The following SLC7A13 variants were observed in gnomAD, a reference collection of about 807,000 sequenced individuals.
SLC7A13 encodes the protein solute carrier family 7 member 13.
A neutral mutation model predicts 32.0 loss-of-function variants in SLC7A13; 31 were observed. The observed-to-expected ratio is 0.97, with a 90% CI of 0.73 to 1.31. The LOEUF is 1.31. SLC7A13 is among the 50% of genes most tolerant of loss of function. The pLI is 0.00. For synonymous variants in SLC7A13, 232 were observed against 206.9 expected (o/e 1.12, Z -1.04); for missense variants, 633 against 546.9 (o/e 1.16, Z -1.57).
chr8:86,214,528 A>T lies in SLC7A13; in HGVS notation c.1298T>A (p.Leu433Ter), dbSNP rs778315531. Residue 433 changes from leucine (L) to a stop codon, truncating the protein, a stop_gained, in exon 4 of 4, where the codon TTA becomes TAA. Coordinates refer to ENST00000297524, the MANE Select transcript of SLC7A13 (RefSeq NM_138817.3). LOFTEE classifies it low-confidence loss of function (END_TRUNC). The stretch of plus-strand genomic sequence containing the variant: ...ATGTATTAAAGGTATGTAAAATAGT[A>T]ATCCGCTGAGAACTAACAGAAGCAC... ...VYVLLLVLSG[L>*]LFYIPLIHFK... 1 of 1,613,112 alleles carries T rather than the reference A, an allele frequency of 6.2e-7. No individual in the cohort carries two copies. The highest frequency in any genetic ancestry group is 8.5e-7 in the Non-Finnish European group (1 of 1,179,494).
intron 2 of SLC7A13, among the ~76,000 whole-genome samples, chr8:86,220,563 T>C (rs1362816195): frequency 2.6e-5 from 4 of 152,116 alleles, no homozygotes; most frequent in African/African-American, 4.8e-5. Context: ...CCTGGTGTAA[T>C]TCTTTCAATG....
intron 2 of SLC7A13, among the ~76,000 whole-genome samples, chr8:86,220,853 G>T (rs1189331473): frequency 6.6e-6 from 1 of 151,918 alleles, no homozygotes; most frequent in African/African-American, 2.4e-5. Context: ...AATTAGCCAG[G>T]TGTGGTGACC....
rs768845475 is a variant in SLC7A13, at chr8:86,214,407, C to T, written c.*6G>A. On this transcript the variant is annotated 3_prime_UTR_variant, in exon 4 of 4. Coordinates refer to ENST00000297524, the MANE Select transcript of SLC7A13 (RefSeq NM_138817.3). Reference sequence around the variant, plus strand: ...CCAATTTTTTAAGAGTTTGCACTTCCGACATCTATTCCTCAGACACATCAG... The same window carrying T: ...CCAATTTTTTAAGAGTTTGCACTTCTGACATCTATTCCTCAGACACATCAG... The T allele has an allele frequency of 3.8e-5, 44 of 1,147,556 alleles. 1 individual carries two copies. In the East Asian group the frequency reaches 9.2e-4, roughly 24 times the overall value. 71.1% of individuals were successfully genotyped at this position (1,147,556 alleles called of 1,614,324 possible).
chr8:86,221,894 C>A (rs56693657), intron 2 of SLC7A13, among the ~76,000 whole-genome samples: 1 of 152,228 alleles, frequency 6.6e-6, no homozygotes, highest in East Asian at 1.9e-4. Flanking sequence ...GCTAGCTGAC[C>A]AGCAGCCCCA....
chr8:86,229,456 C>T (rs1214296319), intron 1 of SLC7A13, 137 bp downstream of exon 1: 1 of 826,586 alleles, frequency 1.2e-6, no homozygotes, highest in Admixed American at 2.7e-5. Context: ...GCCAGGCTGG[C>T]ATGATCTGAT....
chr8:86,217,729 A>G lies in SLC7A13; in HGVS notation c.920T>C (p.Ile307Thr). The G allele has an allele frequency of 2.5e-6, 4 of 1,613,470 alleles. No individual in the cohort carries two copies. Among genetic ancestry groups the G allele is most frequent in the Non-Finnish European group, 3.4e-6 (4 of 1,179,620 alleles). ...TSLFSNLLIS[I>T]FKSSRPIYLA... ...ATATATTGGTCTCGATGATTTAAATATAGAAATCAGAAGGTTGCTAAATAA... is the reference window on the plus strand; with the variant it reads ...ATATATTGGTCTCGATGATTTAAATGTAGAAATCAGAAGGTTGCTAAATAA... Residue 307 changes from isoleucine to threonine, a missense_variant, in exon 3 of 4, where the codon ATA becomes ACA. Ile to Thr is a moderately conservative substitution (Grantham distance 89). Transcript: ENST00000297524.
chr8:86,219,107 C>G (rs149608520), intron 2 of SLC7A13, among the ~76,000 whole-genome samples: 1 of 152,140 alleles, frequency 6.6e-6, no homozygotes, highest in Non-Finnish European at 1.5e-5. Context: ...TATTCTACAA[C>G]TTTGGATCTT....
intron 2 of SLC7A13, 98 bp downstream of exon 2, chr8:86,222,874 G>A: frequency 8.4e-7 from 1 of 1,197,512 alleles, no homozygotes; most frequent in East Asian, 2.7e-5. Context: ...TCCATATATA[G>A]AATAATGAAC....
intron 1 of SLC7A13, 146 bp downstream of exon 1, chr8:86,229,447 C>T (rs775631256): frequency 4.7e-5 from 36 of 760,062 alleles, no homozygotes; most frequent in Admixed American, 2.0e-4. Context: ...GTAACAAGTG[C>T]CAGGCTGGCA....
Position 86,217,603 on chromosome 8 carries a change from A to G in SLC7A13, c.1046T>C (p.Leu349Pro), listed in dbSNP as rs1820210040. Reference protein sequence around the residue: ...AVLLLVTLGSLAIILTSLIDL... With the variant: ...AVLLLVTLGSPAIILTSLIDL... ...AATTAGACTTGTTAAGATAATTGCAAGGGATCCCAAAGTGACAAGTAGTAG... is the reference window on the plus strand; with the variant it reads ...AATTAGACTTGTTAAGATAATTGCAGGGGATCCCAAAGTGACAAGTAGTAG... Residue 349 changes from leucine (L) to proline (P), a missense_variant, in exon 3 of 4, where the codon CTT becomes CCT. By Grantham distance (98) the Leu-to-Pro change is moderately conservative. Coordinates refer to ENST00000297524, the MANE Select transcript of SLC7A13 (RefSeq NM_138817.3). 6.2e-7 allele frequency: 1 copy of G among 1,613,360 alleles called. No homozygotes were observed. Among genetic ancestry groups the G allele is most frequent in the South Asian group, 1.1e-5 (1 of 91,042 alleles).
intron 2 of SLC7A13, among the ~76,000 whole-genome samples, chr8:86,222,283 A>G (rs946812878): frequency 6.6e-6 from 1 of 152,178 alleles, no homozygotes; most frequent in African/African-American, 2.4e-5. Flanking sequence ...GCTTGAGGAA[A>G]TTACTAGTCT....
chr8:86,228,551 A>C (rs1265418288), intron 1 of SLC7A13, among the ~76,000 whole-genome samples: 1 of 151,862 alleles, frequency 6.6e-6, no homozygotes, highest in African/African-American at 2.4e-5. Context: ...TTTTTTAAGA[A>C]ATCTGAGGAG....
At chr8:86,220,715 A>G (rs576560549) in intron 2 of SLC7A13, among the ~76,000 whole-genome samples, 4 of 152,148 alleles carry the variant, frequency 2.6e-5, no homozygotes, top group Admixed American at 6.6e-5. Context: ...TTAATTTAAG[A>G]AACTATATTT....
intron 2 of SLC7A13, among the ~76,000 whole-genome samples, chr8:86,221,980 T>C (rs1443764416): frequency 6.6e-6 from 1 of 152,136 alleles, no homozygotes; most frequent in Admixed American, 6.6e-5. Flanking sequence ...CTTGTTCTGA[T>C]CTGAATTTGC....
At chr8:86,218,233 A>G (rs1179624923) in intron 2 of SLC7A13, among the ~76,000 whole-genome samples, 1 of 152,230 alleles carries the variant, frequency 6.6e-6, no homozygotes, top group African/African-American at 2.4e-5. Flanking sequence ...ACTAGTTTAT[A>G]GAGTCCTGAT....
intron 3 of SLC7A13, among the ~76,000 whole-genome samples, chr8:86,216,852 C>T (rs1820189319): frequency 6.6e-6 from 1 of 152,136 alleles, no homozygotes; most frequent in African/African-American, 2.4e-5. Flanking sequence ...AACATCCTAC[C>T]TAGGCAACTA....
chr8:86,230,296 A>T lies in SLC7A13; in HGVS notation c.-19T>A. On this transcript the variant is annotated 5_prime_UTR_variant, in exon 1 of 4. Transcript: ENST00000297524. The stretch of plus-strand genomic sequence containing the variant: ...TATCCATTGTAATTGAAGAGTTTTA[A>T]AATTCTATATAAATTACAATTTCTA... 2 of 1,518,590 alleles carry T rather than the reference A, an allele frequency of 1.3e-6. No homozygotes were observed. Among genetic ancestry groups the T allele is most frequent in the Non-Finnish European group, 1.8e-6 (2 of 1,135,220 alleles). 94.1% of individuals were successfully genotyped at this position (1,518,590 alleles called of 1,614,324 possible).
intron 1 of SLC7A13, among the ~76,000 whole-genome samples, chr8:86,226,552 GC>G (rs1296771185): frequency 3.9e-5 from 6 of 152,020 alleles, no homozygotes; most frequent in African/African-American, 1.4e-4. Context: ...GCCTCCTCTG[GC>G]TTCCTCACTG....
chr8:86,230,153 G>C lies in SLC7A13; in HGVS notation c.125C>G (p.Ser42Cys), dbSNP rs775516440. The change falls in exon 1 of 4, where the codon TCT (serine) becomes TGT (cysteine). Residue 42 changes from serine (S) to cysteine (C), a missense_variant. By Grantham distance (112) the Ser-to-Cys change is moderately radical (BLOSUM62 -1). Transcript: ENST00000297524. The part of the protein sequence containing the change: ...FVSPKGVLAY[S>C]CMNVGVSLCV... Reference sequence around the variant, plus strand: ...CAGGGAGACTCCCACGTTCATGCAAGAGTATGCCAACACACCTTTGGGGGA... The same window carrying C: ...CAGGGAGACTCCCACGTTCATGCAACAGTATGCCAACACACCTTTGGGGGA... 5.0e-6 allele frequency: 8 copies of C among 1,614,176 alleles called. No homozygotes were observed. The highest frequency in any genetic ancestry group is 3.3e-5 in the South Asian group (3 of 91,086).
Sources: allele counts gnomAD v4.1 joint callset (sites outside exome capture counted in the v4.1 genomes callset), GRCh38; gene constraint gnomAD v4.1.1; transcripts MANE v1.5; gene names NCBI Gene and HGNC (gene_info 2026-07-23, HGNC 2026-07-21).